AP2A1: variants seen among roughly 807,000 people sequenced by gnomAD.
AP2A1 encodes the protein AP-2 complex subunit alpha-1.
In AP2A1, 21 loss-of-function variants were observed where a neutral mutation model predicts 107.3. That is an observed-to-expected ratio of 0.20 (90% CI 0.14 to 0.28). The LOEUF is 0.28. Among genes scored for constraint, AP2A1 ranks in the 10% least tolerant of loss-of-function variants. The probability of loss-of-function intolerance (pLI) is 1.00; values close to 1 mark genes in which losing one functional copy is unlikely to be tolerated. For missense variants in AP2A1, 873 were observed against 1,307.7 expected, an observed-to-expected ratio of 0.67 and a Z score of 5.13; for synonymous variants, 602 against 564.8, an observed-to-expected ratio of 1.07 and a Z score of -0.93.
At chr19:49,784,529 A>C (rs1344798217) in intron 4 of AP2A1, among the ~76,000 whole-genome samples, 2 of 152,220 alleles carry the variant, frequency 1.3e-5, no homozygotes, top group African/African-American at 2.4e-5. Context: ...TAAATAAGAG[A>C]AGCATTTTAA....
chr19:49,805,811 C>CGCCTCT, intron 20 of AP2A1, 34 bp downstream of exon 20: 2 of 1,473,948 alleles, frequency 1.4e-6, no homozygotes, highest in Non-Finnish European at 1.8e-6. Context: ...GCCAAAGCCG[C>CGCCTCT]GCCTCTGGGT....
At chr19:49,782,772 G>A in intron 4 of AP2A1, 48 bp downstream of exon 4, 1 of 1,526,820 alleles carries the variant, frequency 6.5e-7, no homozygotes, top group Non-Finnish European at 8.8e-7. Context: ...GGGGTGATGA[G>A]TCCCAGCCAA....
intron 4 of AP2A1, among the ~76,000 whole-genome samples, chr19:49,784,519 T>C (rs546953327): frequency 6.6e-6 from 1 of 152,222 alleles, no homozygotes; most frequent in East Asian, 1.9e-4. Context: ...TATGTTTCAA[T>C]AAATAAGAGA....
intron 1 of AP2A1, among the ~76,000 whole-genome samples, chr19:49,774,270 T>C (rs2084594727): frequency 6.6e-6 from 1 of 152,116 alleles, no homozygotes; most frequent in Non-Finnish European, 1.5e-5. Flanking sequence ...CTGTGGGGAC[T>C]GAAGCAGCCG....
At chr19:49,791,797 G>A (rs1347401775) in intron 4 of AP2A1, 138 bp from the exon 5 acceptor site, 1 of 1,148,946 alleles carries the variant, frequency 8.7e-7, no homozygotes, top group Non-Finnish European at 1.2e-6. Context: ...GCGCCAGACT[G>A]GATCCTGCGG....
chr19:49,767,318 A>G, intron 1 of AP2A1, 118 bp downstream of exon 1: 1 of 1,253,228 alleles, frequency 8.0e-7, no homozygotes, highest in Non-Finnish European at 1.1e-6. Context: ...GTATAGGGAC[A>G]GCATAGATGG....
chr19:49,797,874 A>T (rs1417974383), intron 7 of AP2A1, among the ~76,000 whole-genome samples: 1 of 152,084 alleles, frequency 6.6e-6, no homozygotes. Context: ...TGAGCCCAGG[A>T]GTTTGAGATC....
rs192531910 is a variant in AP2A1, at chr19:49,785,144, A to G, written c.473+2420A>G. 1.2e-4 allele frequency among the ~76,000 whole-genome samples: 19 copies of G among 152,314 alleles called. No homozygotes were observed. The East Asian group carries it at 3.1e-3, about 25-fold the overall frequency. On this transcript the variant is annotated intron_variant, in intron 4 of 22. Coordinates refer to ENST00000354293, the MANE Select transcript of AP2A1 (RefSeq NM_130787.3). The surrounding 1 kb of genome is among the most constrained non-coding windows in gnomAD (Gnocchi z 4.1). ...ACATAGGCAGTGTTCGAAGAGAGAT[A>G]ATGGTTGAAAATATTCCAGAATGGA...
chr19:49,787,767 A>G (rs2073091800), intron 4 of AP2A1, among the ~76,000 whole-genome samples: 1 of 152,070 alleles, frequency 6.6e-6, no homozygotes, highest in Non-Finnish European at 1.5e-5. Context: ...CTCTGTACCC[A>G]TTAGCAGTCC....
intron 4 of AP2A1, among the ~76,000 whole-genome samples, chr19:49,786,991 G>C (rs902586961): frequency 1.3e-5 from 2 of 152,104 alleles, no homozygotes; most frequent in African/African-American, 2.4e-5. Flanking sequence ...ACTTTATTTT[G>C]TAGGTAGACT....
In AP2A1 at chr19:49,800,954, C is replaced by G. The variant is rs369247414; in HGVS notation, c.1456-7C>G. On this transcript the variant is annotated splice_polypyrimidine_tract_variant and splice_region_variant and intron_variant, in intron 11 of 22. Transcript: ENST00000354293. Reference sequence around the variant, plus strand: ...GTCCTCTCCACGCCCTTCCCCACCCCACTCAGGCGCTCCAGGCCCCTGCCT... The same window carrying G: ...GTCCTCTCCACGCCCTTCCCCACCCGACTCAGGCGCTCCAGGCCCCTGCCT... The G allele has an allele frequency of 4.5e-5, 71 of 1,589,540 alleles. No individual in the cohort carries two copies. In the African/African-American group the frequency reaches 9.0e-4, roughly 20 times the overall value.
intron 1 of AP2A1, among the ~76,000 whole-genome samples, chr19:49,767,997 G>A (rs1327046181): frequency 6.6e-6 from 1 of 151,930 alleles, no homozygotes; most frequent in Non-Finnish European, 1.5e-5. Flanking sequence ...GGAAAGAAGA[G>A]GACATTAGAG....
In AP2A1 at chr19:49,806,994, G is replaced by T. The variant is rs899437235; in HGVS notation, c.*236G>T. ...CTTTCCCCCCCAAGCACAGAGGGGA[G>T]AGGGGCCAGGGAAGTGGATGTCTCC... On this transcript the variant is annotated 3_prime_UTR_variant, in exon 23 of 23. Coordinates refer to ENST00000354293, the MANE Select transcript of AP2A1 (RefSeq NM_130787.3). The T allele has an allele frequency of 2.0e-6, 3 of 1,526,776 alleles. No individual in the cohort carries two copies. In the African/African-American group the frequency reaches 4.1e-5, roughly 21 times the overall value. The allele number at this position is 1,526,776 out of a possible 1,614,324, so 94.6% of individuals were successfully genotyped here. A position where few individuals can be genotyped will look rare whatever the true frequency, so the allele number is the denominator to read the frequency against.
chr19:49,806,560 C>G (rs563704698), intron 22 of AP2A1, 121 bp from the exon 23 acceptor site: 2 of 1,508,528 alleles, frequency 1.3e-6, no homozygotes, highest in African/African-American at 2.8e-5. Flanking sequence ...ACATTTTTCT[C>G]TCCTGTGTCT....
chr19:49,793,291 G>A (rs185253462), intron 6 of AP2A1, among the ~76,000 whole-genome samples, 199 bp downstream of exon 6: 1 of 152,230 alleles, frequency 6.6e-6, no homozygotes, highest in Non-Finnish European at 1.5e-5. Context: ...CCTGGCCTCA[G>A]CTGCCCCCTG....
chr19:49,803,348 T>G lies in AP2A1; in HGVS notation c.2316T>G (p.Thr772=). 1 of 1,613,866 alleles carries G rather than the reference T, an allele frequency of 6.2e-7. No homozygotes were observed. Among genetic ancestry groups the G allele is most frequent in the Non-Finnish European group, 8.5e-7 (1 of 1,179,860 alleles). The change falls in exon 18 of 23, where the codon ACT becomes ACG. Residue 772 remains threonine, a synonymous_variant. Coordinates refer to ENST00000354293, the MANE Select transcript of AP2A1 (RefSeq NM_130787.3). ...TGCAGTTCCAGAATTTCTCACCCAC[T>G]GTGGTTCACCCGGGAGACCTCCAGA... is the stretch of plus-strand genomic sequence containing the variant. ...TSVQFQNFSP[T]VVHPGDLQTQ... is the part of the protein sequence containing the mutation.
chr19:49,768,414 G>A (rs1038195184), intron 1 of AP2A1, among the ~76,000 whole-genome samples: 1 of 152,066 alleles, frequency 6.6e-6, no homozygotes, highest in Non-Finnish European at 1.5e-5. Context: ...TTCACCTCTC[G>A]GTTTCCTCAT....
intron 21 of AP2A1, 52 bp downstream of exon 21, chr19:49,805,993 G>A: frequency 6.2e-7 from 1 of 1,613,184 alleles, no homozygotes; most frequent in South Asian, 1.1e-5. Flanking sequence ...GCTTCTCTGA[G>A]CCTCTGTTTT....
intron 5 of AP2A1, among the ~76,000 whole-genome samples, chr19:49,792,450 C>T (rs573184747): frequency 2.6e-5 from 4 of 152,040 alleles, no homozygotes; most frequent in Non-Finnish European, 4.4e-5. Context: ...TCCCCCTCGG[C>T]GCTGACGTTC....
Sources: allele counts gnomAD v4.1 joint callset (sites outside exome capture counted in the v4.1 genomes callset), GRCh38; gene constraint gnomAD v4.1.1; non-coding constraint Gnocchi (gnomAD v3.1); transcripts MANE v1.5; gene names NCBI Gene and HGNC (gene_info 2026-07-23, HGNC 2026-07-21).